The following KPNA2 variants were observed in gnomAD, a reference collection of about 807,000 sequenced individuals.
The protein encoded by KPNA2 is karyopherin subunit alpha 2.
A neutral mutation model predicts 53.7 loss-of-function variants in KPNA2; 20 were observed. The ratio of observed to expected loss-of-function variants is 0.37; its 90% CI spans 0.26 to 0.54. The LOEUF is 0.54. Ranked by LOEUF, KPNA2 falls within the 20% of genes least tolerant of loss-of-function variation. The pLI, the probability that KPNA2 is intolerant of heterozygous loss-of-function variation, is 0.83. For synonymous variants in KPNA2, 238 were observed against 227.5 expected (o/e 1.05, Z -0.42); for missense variants, 515 against 640.3 (o/e 0.80, Z 2.11).
Position 68,046,491 on chromosome 17 carries a change from A to C in KPNA2, c.1498-13A>C. The C allele has an allele frequency of 2.6e-6, 4 of 1,525,368 alleles. No homozygotes were observed. The highest frequency in any genetic ancestry group is 3.6e-6 in the Non-Finnish European group (4 of 1,107,094). The allele number at this position is 1,525,368 out of a possible 1,614,324, so 94.5% of individuals were successfully genotyped here. A position where few individuals can be genotyped will look rare whatever the true frequency, so the allele number is the denominator to read the frequency against. On this transcript the variant is annotated splice_polypyrimidine_tract_variant and intron_variant, in intron 10 of 10. Transcript: ENST00000330459. Reference sequence around the variant, plus strand: ...TATATCATTTTTATACTTATTTTTTAATATATTTCCAGGAAGAGGAAGATC... The same window carrying C: ...TATATCATTTTTATACTTATTTTTTCATATATTTCCAGGAAGAGGAAGATC...
chr17:68,036,215 C>T (rs2071188021), intron 1 of KPNA2: 1 of 152,182 alleles, frequency 6.6e-6, no homozygotes, highest in Non-Finnish European at 1.5e-5. Context: ...GGAGCACCGT[C>T]TCTGACACCT....
At chr17:68,036,901 C>T (rs1383294711) in intron 1 of KPNA2, 4 of 435,050 alleles carry the variant, frequency 9.2e-6, no homozygotes, top group Non-Finnish European at 1.6e-5. Context: ...TGATGGAGAG[C>T]CCTCTCCAGG....
rs782251646 is a variant in KPNA2, at chr17:68,043,944, A to T, written c.1037A>T (p.Asn346Ile). 7.4e-6 allele frequency: 12 copies of T among 1,613,760 alleles called. No homozygotes were observed. Among genetic ancestry groups the T allele is most frequent in the Non-Finnish European group, 1.0e-5 (12 of 1,179,880 alleles). The change falls in exon 8 of 11, where the codon AAC becomes ATC. Residue 346 changes from asparagine to isoleucine, a missense_variant. By Grantham distance (149) the Asn-to-Ile change is moderately radical. Transcript: ENST00000330459. ...GCCGTCTTTCCCAGCCTGCTCACCA[A>T]CCCCAAAACTAACATTCAGAAGGAA... Reference protein sequence around the residue: ...ALAVFPSLLTNPKTNIQKEAT... With the variant: ...ALAVFPSLLTIPKTNIQKEAT...
chr17:68,039,045 A>G (rs1039044088), intron 3 of KPNA2, among the ~76,000 whole-genome samples: 1 of 152,158 alleles, frequency 6.6e-6, no homozygotes, highest in Non-Finnish European at 1.5e-5. Flanking sequence ...GGCCTTCCAT[A>G]AAGTAGACTT....
intron 3 of KPNA2, among the ~76,000 whole-genome samples, chr17:68,037,818 C>G (rs376579370): frequency 1.3e-5 from 2 of 150,918 alleles, no homozygotes; most frequent in African/African-American, 4.9e-5. Flanking sequence ...TTTTTTCCCC[C>G]GAGATGGAGT....
chr17:68,043,538 T>C (rs1200381945), intron 7 of KPNA2, among the ~76,000 whole-genome samples, 175 bp downstream of exon 7: 1 of 152,058 alleles, frequency 6.6e-6, no homozygotes, highest in Non-Finnish European at 1.5e-5. Context: ...AGCCCATCTC[T>C]ACTAAAAATA....
chr17:68,045,877 T>G lies in KPNA2; in HGVS notation c.1453T>G (p.Tyr485Asp), dbSNP rs1555705351. The change falls in exon 10 of 11, where the codon TAT (tyrosine) becomes GAT (aspartate). Residue 485 changes from tyrosine to aspartate, a missense_variant. Coordinates refer to ENST00000330459, the MANE Select transcript of KPNA2 (RefSeq NM_002266.4). Reference protein sequence around the residue: ...ALQNHENESVYKASLSLIEKY... With the variant: ...ALQNHENESVDKASLSLIEKY... ...ACAAAACCATGAAAATGAGTCTGTG[T>G]ATAAGGCTTCGTTAAGCTTAATTGA... 2.5e-6 allele frequency: 4 copies of G among 1,603,244 alleles called. No individual in the cohort carries two copies. The highest frequency in any genetic ancestry group is 3.4e-6 in the Non-Finnish European group (4 of 1,174,058).
At chr17:68,037,594 C>A (rs190162269) in intron 3 of KPNA2, 99 bp downstream of exon 3, 3 of 1,143,026 alleles carry the variant, frequency 2.6e-6, no homozygotes, top group East Asian at 4.7e-5. Context: ...CTAGTCTTAA[C>A]GGTTTTAACT....
At chr17:68,043,037 A>T in intron 6 of KPNA2, 38 bp downstream of exon 6, 1 of 1,611,974 alleles carries the variant, frequency 6.2e-7, no homozygotes, top group South Asian at 1.1e-5. Context: ...TCACTTCTTC[A>T]TTCTAATTTC....
chr17:68,042,266 G>A lies in KPNA2; in HGVS notation c.484G>A (p.Gly162Ser). 1.2e-6 allele frequency: 2 copies of A among 1,614,142 alleles called. No individual in the cohort carries two copies. The highest frequency in any genetic ancestry group is 1.1e-5 in the South Asian group (1 of 91,084). The change falls in exon 5 of 11, where the codon GGT becomes AGT. Residue 162 changes from glycine (G) to serine (S), a missense_variant. Gly to Ser is a moderately conservative substitution (Grantham distance 56). Coordinates refer to ENST00000330459, the MANE Select transcript of KPNA2 (RefSeq NM_002266.4). ...SEQTKAVVDG[G>S]AIPAFISLLA... is the part of the protein sequence containing the mutation. ...ACAAACCAAGGCTGTGGTAGATGGA[G>A]GTGCCATCCCAGCATTCATTTCTCT... is the stretch of plus-strand genomic sequence containing the variant.
Position 68,042,116 on chromosome 17 carries a change from A to G in KPNA2, c.334A>G (p.Ile112Val), listed in dbSNP as rs1228828679. Reference protein sequence around the residue: ...KLLSREKQPPIDNIIRAGLIP... With the variant: ...KLLSREKQPPVDNIIRAGLIP... ...ACTTTCCAGAGAAAAACAGCCCCCC[A>G]TAGACAACATAATCCGGGCTGGTTT... The change falls in exon 5 of 11, where the codon ATA becomes GTA. Residue 112 changes from isoleucine (I) to valine (V), a missense_variant. Physicochemically the swap from Ile to Val is conservative, Grantham distance 29. Transcript: ENST00000330459. 5.6e-6 allele frequency: 9 copies of G among 1,613,790 alleles called. No homozygotes were observed. In the African/African-American group the frequency reaches 6.7e-5, roughly 12 times the overall value.
Position 68,043,866 on chromosome 17 carries a change from T to C in KPNA2, c.959T>C (p.Ile320Thr), listed in dbSNP as rs1555705006. 1 of 1,612,690 alleles carries C rather than the reference T, an allele frequency of 6.2e-7. No homozygotes were observed. The change falls in exon 8 of 11, where the codon ATT becomes ACT. Residue 320 changes from isoleucine to threonine, a missense_variant. Coordinates refer to ENST00000330459, the MANE Select transcript of KPNA2 (RefSeq NM_002266.4). Reference sequence around the variant, plus strand: ...CCTGCCCTAAGAGCCATAGGGAATATTGTCACTGGTACAGATGAACAGACT... The same window carrying C: ...CCTGCCCTAAGAGCCATAGGGAATACTGTCACTGGTACAGATGAACAGACT... ...VTPALRAIGN[I>T]VTGTDEQTQV... is the part of the protein sequence containing the mutation.
At chr17:68,037,285 T>TA (rs34040105) in intron 2 of KPNA2, 73 bp from the exon 3 acceptor site, 1,147 of 1,425,080 alleles carry the variant, frequency 8.0e-4, no homozygotes, top group South Asian at 9.5e-4. Flanking sequence ...CTGAGGTATT[T>TA]AAAAAAAAAA....
rs530293830 is a variant in KPNA2, at chr17:68,039,412, C to T, written c.214-1266C>T. Among the ~76,000 whole-genome samples, 8 of 151,718 alleles carry T rather than the reference C, an allele frequency of 5.3e-5. No individual in the cohort carries two copies. In the East Asian group the frequency reaches 5.9e-4, roughly 11 times the overall value. On this transcript the variant is annotated intron_variant, in intron 3 of 10. Transcript: ENST00000330459. ...CTGGGATTACAGGCGCGAGCCACTT[C>T]GCCCAGCCAAACATAAACCATTTAT...
chr17:68,041,547 G>A (rs1425139423), intron 4 of KPNA2, among the ~76,000 whole-genome samples: 1 of 152,132 alleles, frequency 6.6e-6, no homozygotes, highest in African/African-American at 2.4e-5. Flanking sequence ...GACAGAGCAA[G>A]ACTCTGTCTC....
rs782305218 is a variant in KPNA2 at position 68,046,521 on chromosome 17, C to T, written c.1515C>T (p.Asn505=). 1.2e-5 allele frequency: 19 copies of T among 1,607,122 alleles called. No individual in the cohort carries two copies. The East Asian group carries it at 2.2e-4, about 19-fold the overall frequency. The part of the protein sequence containing the change: ...YFSVEEEEDQ[N]VVPETTSEGY... ...ATTTCCAGGAAGAGGAAGATCAAAA[C>T]GTTGTACCAGAAACTACCTCTGAAG... Residue 505 remains asparagine, a synonymous_variant, in exon 11 of 11, where the codon AAC becomes AAT. Transcript: ENST00000330459.
rs782200175 is a variant in KPNA2 at position 68,042,893 on chromosome 17, CT to C, written c.572-4del. ...AAAAAAAAAAAAAAATTAATCTTGCCTTTTTTTTCAGGTGATGGCTCAGTGT... is the reference window on the plus strand; with the variant it reads ...AAAAAAAAAAAAAAATTAATCTTGCCTTTTTTTCAGGTGATGGCTCAGTGT... On this transcript the variant is annotated splice_polypyrimidine_tract_variant and intron_variant, in intron 5 of 10. Transcript: ENST00000330459. 1.0e-5 allele frequency: 16 copies of C among 1,543,720 alleles called. No homozygotes were observed. The highest frequency in any genetic ancestry group is 1.2e-5 in the Non-Finnish European group (14 of 1,133,432).
chr17:68,037,973 A>ATTTTTT (rs149615014), intron 3 of KPNA2, among the ~76,000 whole-genome samples: 1 of 151,044 alleles, frequency 6.6e-6, no homozygotes, highest in Non-Finnish European at 1.5e-5. Flanking sequence ...TAGTTTTTGT[A>ATTTTTT]TTTTTTTGTT....
chr17:68,040,542 A>G (rs2071247580), intron 3 of KPNA2, 136 bp from the exon 4 acceptor site: 2 of 597,146 alleles, frequency 3.3e-6, no homozygotes, highest in Non-Finnish European at 3.0e-6. Flanking sequence ...AACAGGCAAA[A>G]TTAAATGTAG....
Sources: gnomAD v4.1 joint callset for allele counts (sites outside exome capture counted in the v4.1 genomes callset) on GRCh38, gnomAD v4.1.1 for gene constraint, MANE v1.5 for transcripts, NCBI Gene and HGNC (gene_info 2026-07-23, HGNC 2026-07-21) for gene names.